Variants in NFIA observed in about 807,000 individuals in gnomAD.
NFIA encodes nuclear factor I A.
A neutral mutation model predicts 62.8 loss-of-function variants in NFIA; 8 were observed. The observed-to-expected ratio is 0.13, with a 90% CI of 0.07 to 0.23. The LOEUF is 0.23. NFIA is among the 10% of genes least tolerant of loss of function. NFIA has a pLI of 1.00. For synonymous variants in NFIA, 235 were observed against 238.1 expected, an observed-to-expected ratio of 0.99 and a Z score of 0.12; for missense variants, 410 against 642.1, an observed-to-expected ratio of 0.64 and a Z score of 3.91.
chr1:61,267,066 C>T (rs1657218701), intron 2 of NFIA, among the ~76,000 whole-genome samples: 1 of 152,130 alleles, frequency 6.6e-6, no homozygotes, highest in Non-Finnish European at 1.5e-5. Context: ...TTTATCATGC[C>T]TTTTGCCTTT....
intron 2 of NFIA, among the ~76,000 whole-genome samples, chr1:61,218,354 A>C (rs1170728862): frequency 6.6e-6 from 1 of 152,202 alleles, no homozygotes; most frequent in Non-Finnish European, 1.5e-5. Flanking sequence ...ATTGATATAC[A>C]AAGTGGTGTA....
chr1:61,353,818 G>C (rs2100432996), intron 5 of NFIA, among the ~76,000 whole-genome samples: 2 of 152,210 alleles, frequency 1.3e-5, no homozygotes, highest in South Asian at 4.1e-4. Flanking sequence ...TGTAGTATCA[G>C]CTCCTCAGGG....
upstream of NFIA, among the ~76,000 whole-genome samples, chr1:61,078,281 T>G (rs1646056514): frequency 6.6e-6 from 1 of 151,490 alleles, no homozygotes; most frequent in Non-Finnish European, 1.5e-5. Context: ...AAAAAGCTGA[T>G]CGGGGGAGTT....
At chr1:61,224,805 A>C (rs369533153) in intron 2 of NFIA, among the ~76,000 whole-genome samples, 1 of 152,266 alleles carries the variant, frequency 6.6e-6, no homozygotes, top group South Asian at 2.1e-4. Context: ...AGCTATTCCA[A>C]GTTGGCAAAG....
chr1:61,140,917 A>T (rs1160215995), intron 2 of NFIA, among the ~76,000 whole-genome samples: 1 of 150,580 alleles, frequency 6.6e-6, no homozygotes, highest in Admixed American at 6.6e-5. Context: ...TGACATTGCC[A>T]TTCAAAAAGC....
intron 2 of NFIA, among the ~76,000 whole-genome samples, chr1:61,240,518 G>A (rs1195815947): frequency 6.6e-6 from 1 of 151,586 alleles, no homozygotes; most frequent in Non-Finnish European, 1.5e-5. Context: ...CGTACACAAT[G>A]GGGTCTTTTT....
chr1:61,383,417 C>G, intron 7 of NFIA, 52 bp downstream of exon 7: 1 of 1,601,056 alleles, frequency 6.2e-7, no homozygotes, highest in Non-Finnish European at 8.5e-7. Context: ...GGCCTTTGGA[C>G]CCAAGTAGCA....
At chr1:61,108,676 T>G (rs1185553257) in intron 2 of NFIA, among the ~76,000 whole-genome samples, 1 of 151,734 alleles carries the variant, frequency 6.6e-6, no homozygotes, top group Non-Finnish European at 1.5e-5. Flanking sequence ...TTTTAATCCC[T>G]GAATGAATCA....
chr1:61,082,671 CTTCT>C lies in NFIA; in HGVS notation c.-120_-117del. The C allele has an allele frequency of 6.6e-7, 1 of 1,515,902 alleles. No individual in the cohort carries two copies. Among genetic ancestry groups the C allele is most frequent in the Non-Finnish European group, 8.8e-7 (1 of 1,130,098 alleles). The allele number at this position is 1,515,902 out of a possible 1,614,324, so 93.9% of individuals were successfully genotyped here. A position where few individuals can be genotyped will look rare whatever the true frequency, so the allele number is the denominator to read the frequency against. Reference sequence around the variant, plus strand: ...CAGGCTTGATTTTTTTTTCTCCCCCCTTCTCTCTCTCTCTCTCTCTCTCTCTTCC... The same window carrying C: ...CAGGCTTGATTTTTTTTTCTCCCCCCCTCTCTCTCTCTCTCTCTCTCTTCC... On this transcript the variant is annotated 5_prime_UTR_variant, in exon 1 of 11. Coordinates refer to ENST00000403491, the MANE Select transcript of NFIA (RefSeq NM_001134673.4).
intron 2 of NFIA, among the ~76,000 whole-genome samples, chr1:61,250,603 G>A (rs1310417956): frequency 2.0e-5 from 3 of 152,250 alleles, no homozygotes; most frequent in Middle Eastern, 6.8e-3. Context: ...GGCCAATTTA[G>A]TGCCTGTTGA....
intron 3 of NFIA, among the ~76,000 whole-genome samples, chr1:61,305,260 G>A (rs1659702633): frequency 6.6e-6 from 1 of 151,958 alleles, no homozygotes; most frequent in African/African-American, 2.4e-5. Flanking sequence ...GGAAGGAGGG[G>A]ATGGGAAGGG....
rs1009632398 is a variant in NFIA at position 61,113,330 on chromosome 1, C to T, written c.559+24650C>T. On this transcript the variant is annotated intron_variant, in intron 2 of 10. Transcript: ENST00000403491. ...TTGGTGGGCCAGGTGCAGGGGATCACACCTGGAATCCCAGCACTTTGGGTG... is the reference window on the plus strand; with the variant it reads ...TTGGTGGGCCAGGTGCAGGGGATCATACCTGGAATCCCAGCACTTTGGGTG... Among the ~76,000 whole-genome samples, 3 of 151,910 alleles carry T rather than the reference C, an allele frequency of 2.0e-5. No individual in the cohort carries two copies. In the East Asian group the frequency reaches 5.8e-4, roughly 29 times the overall value.
At chr1:61,185,423 G>C (rs1434019628) in intron 2 of NFIA, among the ~76,000 whole-genome samples, 2 of 152,182 alleles carry the variant, frequency 1.3e-5, no homozygotes, top group Non-Finnish European at 2.9e-5. Flanking sequence ...GACTACTTGG[G>C]TAATCCTGAG....
chr1:61,318,793 T>C (rs1186255438), intron 3 of NFIA, among the ~76,000 whole-genome samples: 1 of 152,140 alleles, frequency 6.6e-6, no homozygotes, highest in Non-Finnish European at 1.5e-5. Context: ...TGTCCTTTAT[T>C]GTTCAGCCAG....
chr1:61,402,568 G>A (rs1160338282), intron 7 of NFIA, among the ~76,000 whole-genome samples: 2 of 152,180 alleles, frequency 1.3e-5, no homozygotes, highest in African/African-American at 4.8e-5. Context: ...GCTGGGAGAA[G>A]TGTAAGCTTG....
At chr1:61,097,350 A>T (rs1169693784) in intron 2 of NFIA, among the ~76,000 whole-genome samples, 1 of 152,244 alleles carries the variant, frequency 6.6e-6, no homozygotes, top group Non-Finnish European at 1.5e-5. Context: ...GGTTAAAAAA[A>T]GTGAGGCGAA....
intron 2 of NFIA, among the ~76,000 whole-genome samples, chr1:61,177,109 C>CAA (rs1260368221): frequency 7.3e-6 from 1 of 137,038 alleles, no homozygotes; most frequent in African/African-American, 2.7e-5. Flanking sequence ...CTGTCTCAAC[C>CAA]AAAAAAAAAA....
chr1:61,327,079 A>G (rs867715372), intron 3 of NFIA, among the ~76,000 whole-genome samples: 1 of 148,324 alleles, frequency 6.7e-6, no homozygotes, highest in East Asian at 1.9e-4. Flanking sequence ...TATGATATGT[A>G]TATATCTACT....
chr1:61,374,772 A>G lies in NFIA; in HGVS notation c.947-8465A>G, dbSNP rs539598379. ...TTTAGCTCATTTTCAATGGCTACATATAGAGTAAGAAGGATAAACCTCAGA... is the reference window on the plus strand; with the variant it reads ...TTTAGCTCATTTTCAATGGCTACATGTAGAGTAAGAAGGATAAACCTCAGA... On this transcript the variant is annotated intron_variant, in intron 6 of 10. Transcript: ENST00000403491. Among the ~76,000 whole-genome samples, 161 of 152,334 alleles carry G rather than the reference A, an allele frequency of 1.1e-3. 1 individual carries two copies. The highest frequency in any genetic ancestry group is 3.8e-3 in the African/African-American group (160 of 41,582).
Sources: gnomAD v4.1 joint callset for allele counts (sites outside exome capture counted in the v4.1 genomes callset) on GRCh38, gnomAD v4.1.1 for gene constraint, MANE v1.5 for transcripts, NCBI Gene and HGNC (gene_info 2026-07-23, HGNC 2026-07-21) for gene names.